The following RSF1 variants were observed in gnomAD, a reference collection of about 807,000 sequenced individuals.
RSF1 encodes the protein HBV pX-associated protein 8.
Under a neutral mutation model 145.2 loss-of-function variants are expected in RSF1, and 13 were observed. That is an observed-to-expected ratio of 0.09 (90% CI 0.06 to 0.14). The LOEUF (loss-of-function observed/expected upper bound fraction) is 0.14. RSF1 is among the 10% of genes least tolerant of loss of function. The pLI is 1.00. For missense variants in RSF1, 1,517 were observed against 1,718.2 expected (o/e 0.88, Z 2.07); for synonymous variants, 577 against 592.6 (o/e 0.97, Z 0.38).
chr11:77,672,324 C>A, intron 14 of RSF1, 94 bp from the exon 15 acceptor site: 1 of 982,134 alleles, frequency 1.0e-6, no homozygotes, highest in East Asian at 2.6e-5. Context: ...AAGCAGAGTT[C>A]AGTCATAAAT....
the RSF1 span, among the ~76,000 whole-genome samples, chr11:77,826,147 G>A: frequency 3.3e-5 from 5 of 152,076 alleles, no homozygotes; most frequent in African/African-American, 4.8e-5. Context: ...CTGAGAGGCC[G>A]AGGTGGGAGT....
At chr11:77,841,281 G>A in the RSF1 span, 1 of 701,162 alleles carries the variant, frequency 1.4e-6, no homozygotes, top group Non-Finnish European at 2.6e-6. Context: ...AGTTTGGAAG[G>A]GTGCAGACAT....
chr11:77,727,080 G>A (rs1470298653), intron 4 of RSF1, among the ~76,000 whole-genome samples: 1 of 152,120 alleles, frequency 6.6e-6, no homozygotes, highest in Non-Finnish European at 1.5e-5. Flanking sequence ...ATAATAACCA[G>A]TCTAGAATTT....
At chr11:77,830,305 T>C in the RSF1 span, among the ~76,000 whole-genome samples, 1 of 152,150 alleles carries the variant, frequency 6.6e-6, no homozygotes, top group Non-Finnish European at 1.5e-5. Flanking sequence ...AAACTGTTTA[T>C]CATGAATGCA....
chr11:77,671,153 A>G (rs1433211468), intron 15 of RSF1, among the ~76,000 whole-genome samples: 1 of 67,290 alleles, frequency 1.5e-5, no homozygotes, highest in Non-Finnish European at 2.4e-5. Flanking sequence ...ATATATATAT[A>G]TATATATATA....
chr11:77,828,556 A>G, the RSF1 span, among the ~76,000 whole-genome samples: 3 of 151,616 alleles, frequency 2.0e-5, no homozygotes, highest in Admixed American at 2.0e-4. Context: ...CTGTAGTCCC[A>G]GCTACTCGGG....
At chr11:77,791,643 C>T (rs1948518462) in intron 1 of RSF1, among the ~76,000 whole-genome samples, 1 of 152,114 alleles carries the variant, frequency 6.6e-6, no homozygotes, top group Non-Finnish European at 1.5e-5. Context: ...CCGCCAGATA[C>T]CCTAAATCAT....
chr11:77,793,639 A>G (rs1286396208), intron 1 of RSF1, among the ~76,000 whole-genome samples: 1 of 152,230 alleles, frequency 6.6e-6, no homozygotes, highest in African/African-American at 2.4e-5. Flanking sequence ...TATATCAGAT[A>G]TGGATGTGAG....
At chr11:77,728,737 G>C (rs886766500) in intron 4 of RSF1, among the ~76,000 whole-genome samples, 1 of 152,076 alleles carries the variant, frequency 6.6e-6, no homozygotes, top group Admixed American at 6.6e-5. Flanking sequence ...TATAGACACA[G>C]AAAGATTGGT....
intron 11 of RSF1, among the ~76,000 whole-genome samples, chr11:77,680,860 A>AT (rs1235935979): frequency 9.9e-5 from 15 of 152,260 alleles, no homozygotes; most frequent in African/African-American, 3.6e-4. Context: ...TAGCAGATAC[A>AT]TATAAAGCCA....
At chr11:77,759,958 T>TAA (rs1401923116) in intron 2 of RSF1, among the ~76,000 whole-genome samples, 1 of 151,578 alleles carries the variant, frequency 6.6e-6, no homozygotes, top group Non-Finnish European at 1.5e-5. Context: ...GGAAACCTCA[T>TAA]AAATTGCTAT....
At chr11:77,673,903 A>G (rs1487668745) in intron 14 of RSF1, among the ~76,000 whole-genome samples, 1 of 152,176 alleles carries the variant, frequency 6.6e-6, no homozygotes, top group Non-Finnish European at 1.5e-5. Flanking sequence ...ATGAGACAAA[A>G]TTTGAGGATT....
intron 7 of RSF1, among the ~76,000 whole-genome samples, chr11:77,696,060 T>C (rs1258414755): frequency 1.3e-5 from 2 of 152,316 alleles, no homozygotes; most frequent in South Asian, 2.1e-4. Flanking sequence ...CTTACTTACA[T>C]TAGTATTATA....
chr11:77,858,645 A>C, the RSF1 span, among the ~76,000 whole-genome samples: 1 of 151,848 alleles, frequency 6.6e-6, no homozygotes, highest in South Asian at 2.1e-4. Flanking sequence ...CAACAGGAAA[A>C]CCCAAGTGCT....
chr11:77,707,108 G>A (rs1371531719), intron 5 of RSF1, among the ~76,000 whole-genome samples: 3 of 152,116 alleles, frequency 2.0e-5, no homozygotes, highest in Non-Finnish European at 4.4e-5. Context: ...GACTTCTATA[G>A]CAGCACTTAC....
intron 7 of RSF1, among the ~76,000 whole-genome samples, chr11:77,696,180 A>T (rs538629456): frequency 1.1e-4 from 17 of 152,358 alleles, no homozygotes; most frequent in Non-Finnish European, 1.8e-4. Flanking sequence ...TATCAAAATT[A>T]CAGGTAAACT....
intron 2 of RSF1, among the ~76,000 whole-genome samples, chr11:77,761,071 A>T (rs1053457732): frequency 1.3e-5 from 2 of 151,892 alleles, no homozygotes; most frequent in African/African-American, 4.8e-5. Context: ...CAGCCTCCGG[A>T]GTAGCTGGGC....
At chr11:77,675,307 C>A (rs774884650) in intron 13 of RSF1, 51 bp from the exon 14 acceptor site, 2 of 1,455,360 alleles carry the variant, frequency 1.4e-6, no homozygotes, top group East Asian at 4.6e-5. Flanking sequence ...AGAGTGAACC[C>A]ATTTTTAAGA....
rs750933315 is a variant in RSF1, at chr11:77,667,373, T to TTCC, written c.3867_3869dup (p.Glu1292dup). On this transcript the variant is annotated inframe_insertion, in exon 16 of 16. Coordinates refer to ENST00000308488, the MANE Select transcript of RSF1 (RefSeq NM_016578.4). ...GTTTGCGGGATGGTTTGCCTTCCTC[T>TTCC]TCCTCCTCCTCCTCATCTGCTTCTG... is the stretch of plus-strand genomic sequence containing the variant. 3 of 1,613,272 alleles carry TTCC rather than the reference T, an allele frequency of 1.9e-6. No individual in the cohort carries two copies. The highest frequency in any genetic ancestry group is 1.3e-5 in the African/African-American group (1 of 74,994).
Sources: allele counts gnomAD v4.1 joint callset (sites outside exome capture counted in the v4.1 genomes callset), GRCh38; gene constraint gnomAD v4.1.1; transcripts MANE v1.5; gene names NCBI Gene and HGNC (gene_info 2026-07-23, HGNC 2026-07-21).